The following LRP1B variants were observed in gnomAD, a reference collection of about 807,000 sequenced individuals.
LRP1B encodes LDL receptor related protein 1B, also known as low-density lipoprotein receptor-related protein 1B.
Under a neutral mutation model 556.6 loss-of-function variants are expected in LRP1B, and 217 were observed. The ratio of observed to expected loss-of-function variants is 0.39; its 90% CI spans 0.35 to 0.44. LRP1B has a LOEUF of 0.44. Among genes scored for constraint, LRP1B ranks in the 20% least tolerant of loss-of-function variants. The pLI is 1.00. For missense variants in LRP1B, 5,053 were observed against 5,620.8 expected, an observed-to-expected ratio of 0.90 and a Z score of 3.23; for synonymous variants, 2,047 against 1,865.8, an observed-to-expected ratio of 1.10 and a Z score of -2.50.
intron 32 of LRP1B, among the ~76,000 whole-genome samples, chr2:140,808,568 T>C (rs964279489): frequency 1.3e-5 from 2 of 152,156 alleles, no homozygotes; most frequent in Admixed American, 1.3e-4. Context: ...TTTTTTCCCT[T>C]AATATTCAAC....
rs1301900041 is a variant in LRP1B at position 140,919,748 on chromosome 2, G to A, written c.3319+3217C>T. 3.3e-5 allele frequency among the ~76,000 whole-genome samples: 5 copies of A among 152,066 alleles called. No individual in the cohort carries two copies. In the South Asian group the frequency reaches 6.2e-4, roughly 19 times the overall value. On this transcript the variant is annotated intron_variant, in intron 21 of 90. Transcript: ENST00000389484. ...GGCAGTATCTCCTTTATTTTATCCT[G>A]TTATATTTTATCATCACTTCTGTGT... is the stretch of plus-strand genomic sequence containing the variant.
At chr2:142,028,110 C>T (rs1648691567) in intron 1 of LRP1B, among the ~76,000 whole-genome samples, 1 of 151,962 alleles carries the variant, frequency 6.6e-6, no homozygotes, top group Admixed American at 6.6e-5. Context: ...AGGATCAGTT[C>T]TAGTCCATGA....
intron 79 of LRP1B, among the ~76,000 whole-genome samples, chr2:140,332,466 T>C (rs978012962): frequency 4.6e-5 from 7 of 152,064 alleles, no homozygotes; most frequent in Non-Finnish European, 1.0e-4. Context: ...TGTGGTGCCT[T>C]ATGCAGATCT....
At chr2:140,483,635 TATATA>T (rs1367982098) in intron 59 of LRP1B, among the ~76,000 whole-genome samples, 99 of 61,228 alleles carry the variant, frequency 1.6e-3, no homozygotes, top group African/African-American at 2.2e-3. Context: ...TATATATATA[TATATA>T]TTTTTTTTTT....
intron 1 of LRP1B, among the ~76,000 whole-genome samples, chr2:141,952,797 G>A (rs937374092): frequency 7.2e-5 from 11 of 152,106 alleles, no homozygotes; most frequent in Non-Finnish European, 1.5e-4. Context: ...CGTTGGGTCA[G>A]TATCTGGCTT....
At chr2:140,726,536 A>T (rs928058606) in intron 35 of LRP1B, among the ~76,000 whole-genome samples, 5 of 152,146 alleles carry the variant, frequency 3.3e-5, no homozygotes, top group African/African-American at 7.2e-5. Flanking sequence ...TGTGGGAGTG[A>T]TATGACAAAG....
chr2:140,455,889 T>C (rs937762560), intron 62 of LRP1B, among the ~76,000 whole-genome samples: 1 of 152,222 alleles, frequency 6.6e-6, no homozygotes, highest in Non-Finnish European at 1.5e-5. Context: ...CATATGACTA[T>C]TGTCCAAAAT....
intron 67 of LRP1B, among the ~76,000 whole-genome samples, chr2:140,382,404 T>C (rs78805918): frequency 0.023 from 3,503 of 152,302 alleles, 51 homozygotes; most frequent in Non-Finnish European, 0.023. Flanking sequence ...ATATATGACA[T>C]ATTTTATTTT....
chr2:140,968,891 G>A (rs1246683676), intron 18 of LRP1B, among the ~76,000 whole-genome samples: 1 of 152,222 alleles, frequency 6.6e-6, no homozygotes, highest in Non-Finnish European at 1.5e-5. Flanking sequence ...TGTGGTCTGA[G>A]AGACAGTTTG....
At chr2:141,070,089 T>C (rs570336062) in intron 7 of LRP1B, among the ~76,000 whole-genome samples, 1 of 151,688 alleles carries the variant, frequency 6.6e-6, no homozygotes, top group East Asian at 2.0e-4. Context: ...TTACTGAGAA[T>C]GATGATTTCC....
intron 1 of LRP1B, among the ~76,000 whole-genome samples, chr2:141,823,865 G>GA (rs1166569079): frequency 6.6e-6 from 1 of 152,060 alleles, no homozygotes; most frequent in African/African-American, 2.4e-5. Flanking sequence ...GTAGAGATGG[G>GA]ATCTCCCTAT....
chr2:141,911,619 C>T (rs960776783), intron 1 of LRP1B, among the ~76,000 whole-genome samples: 1 of 152,180 alleles, frequency 6.6e-6, no homozygotes, highest in Admixed American at 6.5e-5. Context: ...AGTCCAGGCA[C>T]TATAAAGTCC....
intron 41 of LRP1B, among the ~76,000 whole-genome samples, chr2:140,618,303 G>A (rs1683328882): frequency 6.6e-6 from 1 of 151,908 alleles, no homozygotes; most frequent in African/African-American, 2.4e-5. Context: ...CTAAAATAAA[G>A]TAATAATAGG....
At chr2:141,396,279 T>C (rs1161192707) in intron 3 of LRP1B, among the ~76,000 whole-genome samples, 1 of 152,204 alleles carries the variant, frequency 6.6e-6, no homozygotes, top group Non-Finnish European at 1.5e-5. Context: ...TAGTGTTGAT[T>C]TTCTTTTTAG....
At chr2:141,003,864 A>C (rs1697495028) in intron 15 of LRP1B, among the ~76,000 whole-genome samples, 1 of 152,064 alleles carries the variant, frequency 6.6e-6, no homozygotes, top group Admixed American at 6.6e-5. Context: ...ACTCAATCTT[A>C]CCTACAATTA....
chr2:141,924,092 A>G (rs1483030718), intron 1 of LRP1B, among the ~76,000 whole-genome samples: 1 of 152,010 alleles, frequency 6.6e-6, no homozygotes, highest in Non-Finnish European at 1.5e-5. Context: ...TTCTGTTTTC[A>G]TGCCCAAAAA....
intron 1 of LRP1B, among the ~76,000 whole-genome samples, chr2:141,948,028 T>A (rs1701004090): frequency 6.6e-6 from 1 of 152,146 alleles, no homozygotes; most frequent in Admixed American, 6.5e-5. Context: ...CCAGGCACAG[T>A]GGCTCACATC....
At chr2:141,674,035 A>T (rs1558796464) in intron 2 of LRP1B, among the ~76,000 whole-genome samples, 2 of 152,070 alleles carry the variant, frequency 1.3e-5, no homozygotes, top group African/African-American at 4.8e-5. Flanking sequence ...TCAGGTTGGC[A>T]TTCAAACTAA....
chr2:141,012,867 TA>T (rs1013659616), intron 14 of LRP1B, among the ~76,000 whole-genome samples: 1 of 151,792 alleles, frequency 6.6e-6, no homozygotes, highest in Non-Finnish European at 1.5e-5. Flanking sequence ...ATATGTCTAT[TA>T]AAAAAAGGAA....
Sources: allele counts gnomAD v4.1 joint callset (sites outside exome capture counted in the v4.1 genomes callset), GRCh38; gene constraint gnomAD v4.1.1; transcripts MANE v1.5; gene names NCBI Gene and HGNC (gene_info 2026-07-23, HGNC 2026-07-21).